KMT5B: variants seen among roughly 807,000 people sequenced by gnomAD.
KMT5B encodes the protein lysine methyltransferase 5B.
KMT5B carries 10 observed loss-of-function variants against 83.2 expected under a neutral mutation model. The ratio of observed to expected loss-of-function variants is 0.12; its 90% CI spans 0.07 to 0.20. The LOEUF (loss-of-function observed/expected upper bound fraction) is 0.20. Among genes scored for constraint, KMT5B ranks in the 10% least tolerant of loss-of-function variants. KMT5B has a pLI of 1.00. For synonymous variants in KMT5B, 349 were observed against 388.8 expected (o/e 0.90, Z 1.20); for missense variants, 753 against 1,067.2 (o/e 0.71, Z 4.10).
intron 9 of KMT5B, among the ~76,000 whole-genome samples, chr11:68,169,081 T>C (rs1454152654): frequency 6.6e-6 from 1 of 152,200 alleles, no homozygotes; most frequent in Non-Finnish European, 1.5e-5. Context: ...AGTCTGACAA[T>C]AGCCATGGCC....
At chr11:68,186,012 C>A in intron 2 of KMT5B, 84 bp from the exon 3 acceptor site, 1 of 1,215,738 alleles carries the variant, frequency 8.2e-7, no homozygotes, top group Non-Finnish European at 1.1e-6. Context: ...ATTGCCCATT[C>A]AAGCTGGTAA....
At chr11:68,166,170 A>T in intron 10 of KMT5B, 1 of 1,348,886 alleles carries the variant, frequency 7.4e-7, no homozygotes, top group Non-Finnish European at 9.5e-7. Context: ...CTTTAGTGGC[A>T]ACTACAGAAA....
chr11:68,190,161 A>G lies in KMT5B; in HGVS notation c.-76-9T>C. On this transcript the variant is annotated splice_polypyrimidine_tract_variant and intron_variant, in intron 1 of 10. Transcript: ENST00000304363. ...ACTTTCAATGTTCTCTCCTAACAGAAACAAAATATGAAAAACAAAACAAAA... is the reference window on the plus strand; with the variant it reads ...ACTTTCAATGTTCTCTCCTAACAGAGACAAAATATGAAAAACAAAACAAAA... 1 of 1,306,652 alleles carries G rather than the reference A, an allele frequency of 7.7e-7. No individual in the cohort carries two copies. The highest frequency in any genetic ancestry group is 1.1e-6 in the Non-Finnish European group (1 of 931,302). 80.9% of individuals were successfully genotyped at this position (1,306,652 alleles called of 1,614,324 possible).
At chr11:68,211,859 TG>T (rs1860949079) in intron 1 of KMT5B, among the ~76,000 whole-genome samples, 1 of 152,156 alleles carries the variant, frequency 6.6e-6, no homozygotes, top group Admixed American at 6.5e-5. Flanking sequence ...AAAAATGGGC[TG>T]GAGTTCCCAC....
chr11:68,186,782 C>T (rs1332523042), intron 2 of KMT5B, among the ~76,000 whole-genome samples: 1 of 152,158 alleles, frequency 6.6e-6, no homozygotes, highest in Non-Finnish European at 1.5e-5. Flanking sequence ...GCTCTCAAAA[C>T]CAAAATGGGG....
intron 2 of KMT5B, among the ~76,000 whole-genome samples, chr11:68,187,283 C>A (rs944846792): frequency 1.3e-5 from 2 of 152,204 alleles, no homozygotes; most frequent in African/African-American, 4.8e-5. Flanking sequence ...CAGGCGTGAG[C>A]CACCACGCCC....
chr11:68,193,979 T>C (rs906670698), intron 1 of KMT5B, among the ~76,000 whole-genome samples: 2 of 151,786 alleles, frequency 1.3e-5, no homozygotes, highest in Non-Finnish European at 2.9e-5. Context: ...CAGTGTACTT[T>C]TGAGGTATAA....
chr11:68,165,986 C>T (rs1565220811), intron 10 of KMT5B: 2 of 1,612,666 alleles, frequency 1.2e-6, no homozygotes, highest in African/African-American at 1.3e-5. Context: ...GGGCTGAAAA[C>T]ATCTGAAAGT....
intron 3 of KMT5B, among the ~76,000 whole-genome samples, chr11:68,182,026 A>C (rs557556506): frequency 6.6e-6 from 1 of 152,218 alleles, no homozygotes; most frequent in African/African-American, 2.4e-5. Flanking sequence ...GGACTAAAAA[A>C]TACTTAAAAA....
chr11:68,201,164 T>C (rs926951975), intron 1 of KMT5B, among the ~76,000 whole-genome samples: 12 of 152,240 alleles, frequency 7.9e-5, no homozygotes, highest in Admixed American at 6.5e-4. Context: ...GCCACTAAGG[T>C]GAGAAGCGCG....
chr11:68,160,877 G>T (rs1016185570), intron 10 of KMT5B, among the ~76,000 whole-genome samples: 1 of 152,172 alleles, frequency 6.6e-6, no homozygotes, highest in Non-Finnish European at 1.5e-5. Flanking sequence ...AACCTGGGAG[G>T]CAGAGTTTGC....
intron 1 of KMT5B, among the ~76,000 whole-genome samples, chr11:68,198,445 GACAAGACAAGACAAGA>G (rs1858992433): frequency 7.2e-5 from 1 of 13,960 alleles, no homozygotes; most frequent in Non-Finnish European, 1.3e-4. Context: ...AAAAAGACAA[GACAAGACAAGACAAGA>G]CAAGACAAGA....
intron 10 of KMT5B, chr11:68,166,551 GC>G: frequency 9.9e-7 from 1 of 1,009,596 alleles, no homozygotes; most frequent in Non-Finnish European, 1.2e-6. Context: ...AAGCCTTAAG[GC>G]CAGAAGCTAT....
intron 4 of KMT5B, among the ~76,000 whole-genome samples, chr11:68,176,332 C>T (rs370660262): frequency 6.6e-6 from 1 of 152,026 alleles, no homozygotes. Flanking sequence ...ATTTGTGAAC[C>T]CCTCATTCTA....
chr11:68,165,840 C>G, intron 10 of KMT5B: 2 of 1,612,160 alleles, frequency 1.2e-6, no homozygotes, highest in Non-Finnish European at 1.7e-6. Context: ...TGCTTTTATG[C>G]TACACGGGTT....
chr11:68,160,739 G>C (rs529726795), intron 10 of KMT5B, among the ~76,000 whole-genome samples: 1 of 152,090 alleles, frequency 6.6e-6, no homozygotes, highest in African/African-American at 2.4e-5. Flanking sequence ...CTGAGGTCAG[G>C]AGTTCGAGAC....
At chr11:68,207,070 G>A (rs981722169) in intron 1 of KMT5B, among the ~76,000 whole-genome samples, 2 of 151,814 alleles carry the variant, frequency 1.3e-5, no homozygotes, top group South Asian at 2.1e-4. Context: ...GTGAAACCCC[G>A]TCTCCACTAA....
At chr11:68,198,954 C>T (rs946820455) in intron 1 of KMT5B, among the ~76,000 whole-genome samples, 1 of 152,250 alleles carries the variant, frequency 6.6e-6, no homozygotes, top group South Asian at 2.1e-4. Flanking sequence ...TGGTCTCAAT[C>T]TCCTGACCTT....
At chr11:68,186,724 T>G (rs1400718547) in intron 2 of KMT5B, among the ~76,000 whole-genome samples, 2 of 152,224 alleles carry the variant, frequency 1.3e-5, no homozygotes, top group Non-Finnish European at 2.9e-5. Context: ...AGTCCTTCCA[T>G]GGAATCAGCA....
Sources: gnomAD v4.1 joint callset for allele counts (sites outside exome capture counted in the v4.1 genomes callset) on GRCh38, gnomAD v4.1.1 for gene constraint, MANE v1.5 for transcripts, NCBI Gene and HGNC (gene_info 2026-07-23, HGNC 2026-07-21) for gene names.